Variants in MGRN1 observed in about 807,000 individuals in gnomAD.
MGRN1 encodes the protein mahogunin ring finger 1.
A neutral mutation model predicts 69.2 loss-of-function variants in MGRN1; 29 were observed. The ratio of observed to expected loss-of-function variants is 0.42; its 90% confidence interval spans 0.31 to 0.57. The LOEUF (loss-of-function observed/expected upper bound fraction) is 0.57, where lower values mean the gene tolerates loss of function less well. MGRN1 is among the 20% of genes least tolerant of loss of function. The pLI is 0.15. For missense variants in MGRN1, 998 were observed against 796.2 expected (o/e 1.25, Z -3.05); for synonymous variants, 470 against 344.2 (o/e 1.37, Z -4.04).
intron 12 of MGRN1, chr16:4,680,319 C>T: frequency 1.8e-6 from 1 of 541,594 alleles, no homozygotes; most frequent in Non-Finnish European, 3.3e-6. Flanking sequence ...GCCGCCCTCC[C>T]CTCAGCTTTG....
At chr16:4,686,433 G>A in intron 16 of MGRN1, 2 of 1,429,496 alleles carry the variant, frequency 1.4e-6, no homozygotes, top group Non-Finnish European at 1.8e-6. Context: ...CTTCCCAGGG[G>A]CCCTGGATTC....
At chr16:4,688,178 G>C (rs891141997) in intron 16 of MGRN1, 1 of 985,460 alleles carries the variant, frequency 1.0e-6, no homozygotes, top group Non-Finnish European at 1.2e-6. Context: ...AGGCAGCCCT[G>C]AGGCCATGCT....
At chr16:4,640,979 AG>A (rs1377431205) in intron 1 of MGRN1, among the ~76,000 whole-genome samples, 1 of 152,182 alleles carries the variant, frequency 6.6e-6, no homozygotes, top group East Asian at 1.9e-4. Context: ...CCAGCGGGAA[AG>A]GGGGTGAAGG....
At chr16:4,684,007 G>A (rs1278825152) in intron 16 of MGRN1, 75 bp downstream of exon 16, 2 of 1,304,710 alleles carry the variant, frequency 1.5e-6, no homozygotes, top group South Asian at 1.3e-5. Flanking sequence ...CTGCTCTGAT[G>A]GTCGGTGCAT....
At position 4,687,578 on chromosome 16, in the gene MGRN1, T is replaced by TACACACACAAACACAC. The variant is rs371008752; in HGVS notation, c.1619-1209_1619-1208insAACACACACACACACA. On this transcript the variant is annotated intron_variant, in intron 16 of 16. Coordinates refer to ENST00000262370, the MANE Select transcript of MGRN1 (RefSeq NM_015246.4). ...AGACCCTGTCTCAAGAAAAAAAAAATACACACACACACACACACACACACA... is the reference window on the plus strand; with the variant it reads ...AGACCCTGTCTCAAGAAAAAAAAAATACACACACAAACACACACACACACACACACACACACACACA... The TACACACACAAACACAC allele has an allele frequency of 3.4e-5, 32 of 931,886 alleles. No individual in the cohort carries two copies. In the African/African-American group the frequency reaches 6.5e-4, roughly 19 times the overall value. The allele number at this position is 931,886 out of a possible 1,614,324, so 57.7% of individuals were successfully genotyped here.
chr16:4,689,148 A>C lies in MGRN1; in HGVS notation c.*240A>C, dbSNP rs917431274. The C allele has an allele frequency of 1.9e-6, 1 of 529,324 alleles. No individual in the cohort carries two copies. Among genetic ancestry groups the C allele is most frequent in the East Asian group, 3.4e-5 (1 of 29,424 alleles). 32.8% of individuals were successfully genotyped at this position (529,324 alleles called of 1,614,324 possible). ...TGAAGGACAGCAGCTTTCCATCCCT[A>C]GTTCAGAGCCCCCGTTCCCCAGGGT... On this transcript the variant is annotated 3_prime_UTR_variant, in exon 17 of 17. Coordinates refer to ENST00000262370, the MANE Select transcript of MGRN1 (RefSeq NM_015246.4).
chr16:4,661,361 CCCTTTTCT>C (rs1476581892), intron 5 of MGRN1, among the ~76,000 whole-genome samples: 1 of 152,240 alleles, frequency 6.6e-6, no homozygotes, highest in Non-Finnish European at 1.5e-5. Flanking sequence ...ACCTTTCGCA[CCCTTTTCT>C]CCTGCACCCT....
chr16:4,654,885 C>T (rs1012998997), intron 4 of MGRN1, among the ~76,000 whole-genome samples: 3 of 152,232 alleles, frequency 2.0e-5, no homozygotes, highest in Admixed American at 2.0e-4. Context: ...TCCTGTGGAG[C>T]AGCACTTTGG....
At chr16:4,683,570 C>G (rs960116819) in intron 15 of MGRN1, among the ~76,000 whole-genome samples, 42 of 151,368 alleles carry the variant, frequency 2.8e-4, no homozygotes, top group Non-Finnish European at 5.3e-4. Flanking sequence ...AAAAAAAAAG[C>G]CCTATGCTCT....
At chr16:4,651,437 C>G (rs1490975331) in intron 2 of MGRN1, among the ~76,000 whole-genome samples, 3 of 152,134 alleles carry the variant, frequency 2.0e-5, no homozygotes, top group African/African-American at 7.2e-5. Context: ...CATGGCTGAA[C>G]CAAGCCATGA....
intron 1 of MGRN1, among the ~76,000 whole-genome samples, chr16:4,638,263 G>C (rs2078075744): frequency 6.6e-6 from 1 of 151,998 alleles, no homozygotes; most frequent in Non-Finnish European, 1.5e-5. Context: ...TCAGGAGTTT[G>C]AGACCAGCCT....
intron 12 of MGRN1, among the ~76,000 whole-genome samples, chr16:4,681,095 C>T (rs1009378929): frequency 1.3e-5 from 2 of 152,214 alleles, no homozygotes; most frequent in African/African-American, 4.8e-5. Flanking sequence ...AGCAGGTCAG[C>T]CCCCAGAGGC....
At chr16:4,649,580 T>C (rs2078355840) in intron 1 of MGRN1, 1 of 152,328 alleles carries the variant, frequency 6.6e-6, no homozygotes, top group African/African-American at 2.4e-5. Flanking sequence ...TCCTTTCTTC[T>C]GTTAAGAACC....
At chr16:4,680,350 C>G (rs534721325) in intron 12 of MGRN1, 1 of 481,374 alleles carries the variant, frequency 2.1e-6, no homozygotes, top group African/African-American at 2.0e-5. Flanking sequence ...GCGTGGCCCC[C>G]GTGCCGTTTC....
chr16:4,688,549 A>C, intron 16 of MGRN1: 1 of 1,265,600 alleles, frequency 7.9e-7, no homozygotes, highest in Non-Finnish European at 1.0e-6. Context: ...TCGGGGCTGC[A>C]GATCTGCTGT....
chr16:4,661,310 C>T (rs527644499), intron 5 of MGRN1, among the ~76,000 whole-genome samples: 12 of 152,276 alleles, frequency 7.9e-5, no homozygotes, highest in African/African-American at 2.6e-4. Flanking sequence ...TGTGTGTGGA[C>T]GTTTTCACAA....
intron 1 of MGRN1, among the ~76,000 whole-genome samples, chr16:4,647,232 G>A (rs933302306): frequency 5.3e-5 from 8 of 152,292 alleles, no homozygotes; most frequent in South Asian, 2.1e-4. Context: ...GCTCTGGGCC[G>A]GGCCCTGTCT....
intron 1 of MGRN1, among the ~76,000 whole-genome samples, chr16:4,628,079 C>CAAAAA (rs747646208): frequency 6.0e-4 from 35 of 58,016 alleles, no homozygotes; most frequent in African/African-American, 2.2e-3. Flanking sequence ...GACTCCGTCT[C>CAAAAA]AAAAAAAAAA....
chr16:4,653,081 C>T (rs79314275), intron 4 of MGRN1, among the ~76,000 whole-genome samples: 6 of 152,142 alleles, frequency 3.9e-5, no homozygotes, highest in African/African-American at 1.4e-4. Context: ...CTTTGAGGGC[C>T]CAGTCCCACA....
Sources: gnomAD v4.1 joint callset for allele counts (sites outside exome capture counted in the v4.1 genomes callset) on GRCh38, gnomAD v4.1.1 for gene constraint, MANE v1.5 for transcripts, NCBI Gene and HGNC (gene_info 2026-07-23, HGNC 2026-07-21) for gene names.